Variants in LYST observed in about 807,000 individuals in gnomAD.
The protein encoded by LYST is lysosomal trafficking regulator.
A neutral mutation model predicts 413.6 loss-of-function variants in LYST; 192 were observed. The ratio of observed to expected loss-of-function variants is 0.46; its 90% CI spans 0.41 to 0.52. The LOEUF is 0.52. Among genes scored for constraint, LYST ranks in the 20% least tolerant of loss-of-function variants. LYST has a pLI of 0.00. For missense variants in LYST, 3,815 were observed against 4,499.9 expected, an observed-to-expected ratio of 0.85 and a Z score of 4.35; for synonymous variants, 1,525 against 1,567.3, an observed-to-expected ratio of 0.97 and a Z score of 0.64.
At chr1:235,667,622 A>C (rs1392891231) in intron 50 of LYST, among the ~76,000 whole-genome samples, 1 of 152,080 alleles carries the variant, frequency 6.6e-6, no homozygotes, top group Non-Finnish European at 1.5e-5. Flanking sequence ...CTTGATATAA[A>C]ATGGTGTAGT....
At position 235,873,712 on chromosome 1, in the gene LYST, A is replaced by G. The variant is rs530563149; in HGVS notation, n.454+9475T>C. ...CAGTATTTGTCTATCTTAATTCCCA[A>G]TATATTCCTGCGGTCTACAAATTTC... On this transcript the variant is annotated intron_variant and non_coding_transcript_variant, in intron 1 of 11. Transcript: ENST00000465349. Among the ~76,000 whole-genome samples, 3 of 152,334 alleles carry G rather than the reference A, an allele frequency of 2.0e-5. No homozygotes were observed. The East Asian group carries it at 5.8e-4, about 29-fold the overall frequency.
intron 50 of LYST, among the ~76,000 whole-genome samples, chr1:235,675,471 C>G (rs145611231): frequency 6.6e-6 from 1 of 152,150 alleles, no homozygotes; most frequent in Non-Finnish European, 1.5e-5. Context: ...ATCGGTCGGT[C>G]GGACGCAGGC....
At chr1:235,715,498 A>G in intron 41 of LYST, 141 bp from the exon 42 acceptor site, 1 of 755,780 alleles carries the variant, frequency 1.3e-6, no homozygotes, top group Non-Finnish European at 2.2e-6. Flanking sequence ...ACTCTTACCC[A>G]GGAGACTTCA....
chr1:235,708,655 C>T (rs1342886114), intron 44 of LYST, among the ~76,000 whole-genome samples: 2 of 152,192 alleles, frequency 1.3e-5, no homozygotes, highest in Non-Finnish European at 2.9e-5. Flanking sequence ...TAATGAGATT[C>T]CCTGGCAGAC....
chr1:235,709,368 A>G, intron 43 of LYST, 60 bp from the exon 44 acceptor site: 1 of 1,325,042 alleles, frequency 7.5e-7, no homozygotes, highest in Non-Finnish European at 1.1e-6. Flanking sequence ...ATTCAGCTAC[A>G]GAGCAGGTCT....
intron 40 of LYST, 60 bp from the exon 41 acceptor site, chr1:235,716,838 C>T: frequency 1.0e-6 from 1 of 964,192 alleles, no homozygotes; most frequent in Non-Finnish European, 1.7e-6. Context: ...ATTAAGCTCC[C>T]TAGATGTCTG....
At position 235,753,081 on chromosome 1, in the gene LYST, A is replaced by C; in HGVS notation, c.7423T>G (p.Cys2475Gly). 6.2e-7 allele frequency: 1 copy of C among 1,600,970 alleles called. No homozygotes were observed. Among genetic ancestry groups the C allele is most frequent in the Non-Finnish European group, 8.6e-7 (1 of 1,168,330 alleles). ...CCATTCAGGGCTGCTACTGTATTACATAACACATAGAGTAGACCATTATCC... is the reference window on the plus strand; with the variant it reads ...CCATTCAGGGCTGCTACTGTATTACCTAACACATAGAGTAGACCATTATCC... ...LLDNGLLYVLCNTVAALNGLE... is the reference protein window; with the variant it reads ...LLDNGLLYVLGNTVAALNGLE... Residue 2475 changes from cysteine to glycine, a missense_variant, in exon 26 of 53, where the codon TGT becomes GGT. Physicochemically the swap from Cys to Gly is radical, Grantham distance 159 (BLOSUM62 -3). Transcript: ENST00000389793.
chr1:235,693,451 A>T lies in LYST; in HGVS notation c.10600T>A (p.Ser3534Thr). The change falls in exon 47 of 53, where the codon TCA becomes ACA. Residue 3534 changes from serine (S) to threonine (T), a missense_variant. Ser to Thr is a moderately conservative substitution (Grantham distance 58, BLOSUM62 1). Transcript: ENST00000389793. The stretch of plus-strand genomic sequence containing the variant: ...GCATATCCCCAGCTCAGGATGGCTG[A>T]CCACTGAATGTCCGTACTGTTCATG... ...RSMNSTDIQWSAILSWGYADN... is the reference protein window; with the variant it reads ...RSMNSTDIQWTAILSWGYADN... The T allele has an allele frequency of 6.2e-7, 1 of 1,613,852 alleles. No homozygotes were observed. The highest frequency in any genetic ancestry group is 8.5e-7 in the Non-Finnish European group (1 of 1,179,718).
rs746169681 is a variant in LYST at position 235,734,533 on chromosome 1, T to C, written c.8485A>G (p.Ile2829Val). ...NALKLCGHKCIPPSASTKADL... is the reference protein window; with the variant it reads ...NALKLCGHKCVPPSASTKADL... ...GCTTTTGTTGATGCACTGGGAGGGA[T>C]GCACTTGTGACCACATAACTTCAAA... The change falls in exon 32 of 53, where the codon ATC (isoleucine) becomes GTC (valine). Residue 2829 changes from isoleucine (I) to valine (V), a missense_variant. By Grantham distance (29) the Ile-to-Val change is conservative. Transcript: ENST00000389793. The C allele has an allele frequency of 6.2e-7, 1 of 1,613,642 alleles. No individual in the cohort carries two copies. The highest frequency in any genetic ancestry group is 8.5e-7 in the Non-Finnish European group (1 of 1,179,690).
At chr1:235,732,582 C>T (rs977880783) in intron 34 of LYST, among the ~76,000 whole-genome samples, 1 of 152,148 alleles carries the variant, frequency 6.6e-6, no homozygotes, top group African/African-American at 2.4e-5. Flanking sequence ...TGTACAATGC[C>T]ACCAAAGTTC....
At chr1:235,814,894 C>T (rs1207003514) in intron 3 of LYST, among the ~76,000 whole-genome samples, 3 of 152,146 alleles carry the variant, frequency 2.0e-5, no homozygotes, top group South Asian at 2.1e-4. Context: ...ATGAGCCCTC[C>T]GCATACATCT....
chr1:235,747,029 T>A (rs1053341668), intron 28 of LYST: 12 of 256,416 alleles, frequency 4.7e-5, no homozygotes, highest in Non-Finnish European at 9.4e-5. Flanking sequence ...ATCAGGAAGG[T>A]GAATATAATT....
At chr1:235,759,937 C>T (rs1019438444) in intron 22 of LYST, among the ~76,000 whole-genome samples, 3 of 152,012 alleles carry the variant, frequency 2.0e-5, no homozygotes, top group South Asian at 4.1e-4. Flanking sequence ...TTCTTAAATG[C>T]CAAAACTATT....
At chr1:235,846,401 A>C (rs1311185988) in intron 1 of LYST, among the ~76,000 whole-genome samples, 1 of 152,180 alleles carries the variant, frequency 6.6e-6, no homozygotes, top group Non-Finnish European at 1.5e-5. Context: ...CTTCCCTCTG[A>C]CAGAGCCTAC....
At chr1:235,869,925 GC>G (rs1352996853), upstream of LYST, among the ~76,000 whole-genome samples, 1 of 151,984 alleles carries the variant, frequency 6.6e-6, no homozygotes, top group Non-Finnish European at 1.5e-5. Flanking sequence ...TGACTGGCCG[GC>G]CCCTCTGCTT....
At chr1:235,813,093 C>G (rs1412083424) in intron 3 of LYST, 32 bp from the exon 4 acceptor site, 8 of 1,269,708 alleles carry the variant, frequency 6.3e-6, no homozygotes, top group Non-Finnish European at 9.2e-6. Context: ...CCTTCATGTT[C>G]TAAGGCGATA....
chr1:235,842,095 T>A (rs1416464676), intron 1 of LYST, among the ~76,000 whole-genome samples: 1 of 152,050 alleles, frequency 6.6e-6, no homozygotes, highest in Non-Finnish European at 1.5e-5. Flanking sequence ...CAGACTGTTA[T>A]CACTGATCTG....
chr1:235,804,552 G>A lies in LYST; in HGVS notation c.3507C>T (p.Leu1169=), dbSNP rs74861744. The change falls in exon 7 of 53, where the codon CTC becomes CTT. Residue 1169 remains leucine, a synonymous_variant. Coordinates refer to ENST00000389793, the MANE Select transcript of LYST (RefSeq NM_000081.4). ...GTTCAAAATCTGCTGAATAATTCCC[G>A]AGGGCAACTCGAAGCAGGGCATCAA... ...PLFDALLRVA[L]GNYSADFEHN... is the part of the protein sequence containing the mutation. The A allele has an allele frequency of 1.3e-3, 2,077 of 1,613,412 alleles. 2 individuals are homozygous for A. The highest frequency in any genetic ancestry group is 1.7e-3 in the Non-Finnish European group (1,997 of 1,179,420).
chr1:235,848,423 A>G (rs902508994), intron 1 of LYST, among the ~76,000 whole-genome samples: 1 of 152,154 alleles, frequency 6.6e-6, no homozygotes, highest in African/African-American at 2.4e-5. Flanking sequence ...TGCCTACATC[A>G]AAAAGTCTGA....
Sources: allele counts gnomAD v4.1 joint callset (sites outside exome capture counted in the v4.1 genomes callset), GRCh38; gene constraint gnomAD v4.1.1; transcripts MANE v1.5; gene names NCBI Gene and HGNC (gene_info 2026-07-23, HGNC 2026-07-21).